The following ZFR variants were observed in gnomAD, a reference collection of about 807,000 sequenced individuals.
ZFR encodes the protein zinc finger RNA binding protein, also known as zinc finger RNA-binding protein.
Under a neutral mutation model 130.7 loss-of-function variants are expected in ZFR, and 19 were observed. That is an observed-to-expected ratio of 0.15 (90% confidence interval 0.10 to 0.21). The LOEUF is 0.21. ZFR is among the 10% of genes least tolerant of loss of function. The pLI, the probability that ZFR is intolerant of heterozygous loss-of-function variation, is 1.00. For synonymous variants in ZFR, 466 were observed against 456.9 expected (o/e 1.02, Z -0.25); for missense variants, 872 against 1,321.5 (o/e 0.66, Z 5.27).
intron 5 of ZFR, among the ~76,000 whole-genome samples, chr5:32,408,126 A>G (rs1432821325): frequency 6.6e-6 from 1 of 152,058 alleles, no homozygotes; most frequent in Non-Finnish European, 1.5e-5. Context: ...GCAAGTAGAG[A>G]TTATTTTATG....
intron 4 of ZFR, among the ~76,000 whole-genome samples, chr5:32,416,983 T>A (rs1753842427): frequency 1.3e-5 from 2 of 151,916 alleles, no homozygotes; most frequent in Non-Finnish European, 2.9e-5. Flanking sequence ...TACATATGTA[T>A]ACATGTGTCA....
chr5:32,366,665 GAATAT>G (rs1752552372), intron 17 of ZFR, among the ~76,000 whole-genome samples: 3 of 151,954 alleles, frequency 2.0e-5, no homozygotes, highest in Non-Finnish European at 4.4e-5. Flanking sequence ...GAAAATAGAA[GAATAT>G]AATTCAAAAG....
intron 4 of ZFR, 46 bp from the exon 5 acceptor site, chr5:32,415,233 ATAGT>A (rs752867775): frequency 4.6e-6 from 7 of 1,514,460 alleles, no homozygotes; most frequent in Non-Finnish European, 6.3e-6. Context: ...GTAAGCCACT[ATAGT>A]TACTGTACCA....
At chr5:32,368,429 T>G (rs1752594648) in intron 17 of ZFR, among the ~76,000 whole-genome samples, 1 of 152,046 alleles carries the variant, frequency 6.6e-6, no homozygotes, top group South Asian at 2.1e-4. Context: ...GAGATGGGAG[T>G]TTCTCCATAT....
intron 15 of ZFR, among the ~76,000 whole-genome samples, chr5:32,380,650 C>CTTTTTTTTTTTTTTTTTTTTTTTTT (rs55724344): frequency 1.0e-5 from 1 of 97,072 alleles, no homozygotes. Context: ...ACAGGCATTT[C>CTTTTTTTTTTTTTTTTTTTTTTTTT]TTTTTTTTTT....
chr5:32,385,669 A>G lies in ZFR; in HGVS notation c.2500-20T>C. On this transcript the variant is annotated intron_variant, in intron 14 of 19. Transcript: ENST00000265069. ...TATAACCTGTGTAATGAAGATGATA[A>G]GAAACAAATTGGATCTGTTGTATTA... 1 of 1,610,302 alleles carries G rather than the reference A, an allele frequency of 6.2e-7. No homozygotes were observed. Among genetic ancestry groups the G allele is most frequent in the Non-Finnish European group, 8.5e-7 (1 of 1,178,256 alleles).
chr5:32,387,447 A>C (rs1011025397), intron 14 of ZFR, 102 bp downstream of exon 14: 14 of 1,418,192 alleles, frequency 9.9e-6, no homozygotes, highest in African/African-American at 1.5e-5. Flanking sequence ...GTCAAGCCAA[A>C]ATTTTAAAGG....
At position 32,403,219 on chromosome 5, in the gene ZFR, C is replaced by T. The variant is rs1753506960; in HGVS notation, c.1403G>A (p.Gly468Asp). ...AGACGAGTTTCCTGTAGTCGTAAGA[C>T]CCTTCATTGAAGACGTTGCAACTGA... is the stretch of plus-strand genomic sequence containing the variant. ...TSSVATSSMK[G>D]LTTTGNSSLN... is the part of the protein sequence containing the mutation. Residue 468 changes from glycine to aspartate, a missense_variant, in exon 8 of 20, where the codon GGT becomes GAT. Gly to Asp is a moderately conservative substitution (Grantham distance 94). This residue lies in a region of ZFR where 143 missense variants were observed against 137.9 expected (regional missense o/e 1.04). Transcript: ENST00000265069. The T allele has an allele frequency of 1.2e-6, 2 of 1,614,214 alleles. No individual in the cohort carries two copies. Among genetic ancestry groups the T allele is most frequent in the East Asian group, 2.2e-5 (1 of 44,880 alleles).
At chr5:32,358,708 A>T (rs530721875) in intron 19 of ZFR, among the ~76,000 whole-genome samples, 173 of 151,816 alleles carry the variant, frequency 1.1e-3, no homozygotes, top group Middle Eastern at 3.4e-3. Flanking sequence ...CTTTTTTTTT[A>T]AATTAAAAAA....
intron 5 of ZFR, among the ~76,000 whole-genome samples, chr5:32,409,726 G>A (rs1467992806): frequency 6.6e-6 from 1 of 152,168 alleles, no homozygotes; most frequent in Non-Finnish European, 1.5e-5. Flanking sequence ...TCAGTTCATG[G>A]TTGATTGAAT....
intron 14 of ZFR, among the ~76,000 whole-genome samples, chr5:32,385,867 T>C (rs1260657364): frequency 6.6e-6 from 1 of 152,102 alleles, no homozygotes; most frequent in African/African-American, 2.4e-5. Flanking sequence ...TTACCATTGT[T>C]TGTATTGTGA....
intron 13 of ZFR, 35 bp from the exon 14 acceptor site, chr5:32,387,734 CT>C: frequency 1.9e-6 from 3 of 1,569,570 alleles, no homozygotes; most frequent in Non-Finnish European, 2.6e-6. Flanking sequence ...TGATATTTCT[CT>C]GCTTAACCAG....
At chr5:32,439,804 T>TAAAAAAA (rs11446399) in intron 2 of ZFR, among the ~76,000 whole-genome samples, 3 of 72,452 alleles carry the variant, frequency 4.1e-5, no homozygotes, top group African/African-American at 1.0e-4. Context: ...ACCATGTCTT[T>TAAAAAAA]AAAAAAAAAA....
At chr5:32,360,372 A>G (rs1304431959) in intron 19 of ZFR, among the ~76,000 whole-genome samples, 2 of 152,208 alleles carry the variant, frequency 1.3e-5, no homozygotes, top group Admixed American at 6.5e-5. Context: ...CAAGCCCAAC[A>G]GCAGTTACTC....
In ZFR at chr5:32,395,258, C is replaced by T. The variant is rs773981094; in HGVS notation, c.1880G>A (p.Arg627Gln). The change falls in exon 11 of 20, where the codon CGA becomes CAA. Residue 627 changes from arginine to glutamine, a missense_variant. Arg to Gln is a conservative substitution (Grantham distance 43). Around this residue, in one of 7 missense-constraint regions of ZFR, gnomAD observed 54 missense variants for 119.9 expected, o/e 0.45. Coordinates refer to ENST00000265069, the MANE Select transcript of ZFR (RefSeq NM_016107.5). ...DLQVEVKPSI[R>Q]ARKIQEEKMR... Reference sequence around the variant, plus strand: ...TTTCTCTTCTTGAATCTTTCTTGCTCGAATACTAGGCTTTACTTCTACTTG... The same window carrying T: ...TTTCTCTTCTTGAATCTTTCTTGCTTGAATACTAGGCTTTACTTCTACTTG... 5.6e-6 allele frequency: 9 copies of T among 1,609,272 alleles called. No homozygotes were observed. Among genetic ancestry groups the T allele is most frequent in the African/African-American group, 1.3e-5 (1 of 74,728 alleles).
intron 2 of ZFR, among the ~76,000 whole-genome samples, chr5:32,432,134 G>A (rs1581716375): frequency 1.3e-5 from 2 of 152,144 alleles, no homozygotes; most frequent in Middle Eastern, 6.8e-3. Context: ...TGGGACCACA[G>A]AAACCTGCCA....
At chr5:32,378,458 A>G (rs1752872034) in intron 17 of ZFR, among the ~76,000 whole-genome samples, 2 of 152,210 alleles carry the variant, frequency 1.3e-5, no homozygotes, top group South Asian at 4.1e-4. Flanking sequence ...ACTCTCATTA[A>G]TTAAACTCTG....
intron 2 of ZFR, among the ~76,000 whole-genome samples, chr5:32,441,253 A>G (rs1028564855): frequency 9.9e-5 from 15 of 152,246 alleles, no homozygotes; most frequent in African/African-American, 3.4e-4. Flanking sequence ...CTGGGATTAC[A>G]GGCGTGAGCC....
intron 19 of ZFR, among the ~76,000 whole-genome samples, chr5:32,356,569 C>T (rs1169446287): frequency 1.3e-5 from 2 of 151,786 alleles, no homozygotes; most frequent in African/African-American, 2.4e-5. Context: ...CCCGCCACCA[C>T]GCCTGGCTAA....
Sources: gnomAD v4.1 joint callset for allele counts (sites outside exome capture counted in the v4.1 genomes callset) on GRCh38, gnomAD v4.1.1 for gene constraint, gnomAD v4.1.1 regional missense constraint, MANE v1.5 for transcripts, NCBI Gene and HGNC (gene_info 2026-07-23, HGNC 2026-07-21) for gene names.